Variants in RIMBP2 observed in about 807,000 individuals in gnomAD.
The protein encoded by RIMBP2 is RIMS-binding protein 2.
Under a neutral mutation model 118.6 loss-of-function variants are expected in RIMBP2, and 48 were observed. The observed-to-expected ratio is 0.40, with a 90% confidence interval of 0.32 to 0.51. The LOEUF is 0.51. Ranked by LOEUF, RIMBP2 falls within the 20% of genes least tolerant of loss-of-function variation. The probability of loss-of-function intolerance (pLI) is 0.41; values close to 1 mark genes in which losing one functional copy is unlikely to be tolerated. For synonymous variants in RIMBP2, 762 were observed against 742.9 expected (o/e 1.03, Z -0.42); for missense variants, 1,551 against 1,768.3 (o/e 0.88, Z 2.20).
chr12:130,714,584 G>A (rs1391257531), intron 1 of RIMBP2, among the ~76,000 whole-genome samples: 6 of 152,244 alleles, frequency 3.9e-5, no homozygotes, highest in Non-Finnish European at 7.3e-5. Flanking sequence ...GGGCACGGGG[G>A]AATAGCCGCT....
At chr12:130,606,591 T>A (rs920583562) in intron 2 of RIMBP2, among the ~76,000 whole-genome samples, 1 of 152,198 alleles carries the variant, frequency 6.6e-6, no homozygotes, top group Admixed American at 6.5e-5. Context: ...TCACCATTTA[T>A]AGCAAAACTC....
chr12:130,437,124 G>T lies in RIMBP2; in HGVS notation c.1824C>A (p.Pro608=). ...TTGATTGGGGTGCAGGTCTCGGGTG[G>T]GGGGTAGGAGGCACCAGGAGCTCGG... is the stretch of plus-strand genomic sequence containing the variant. ...VPPELLVPPT[P]HPRPAPQSKP... is the part of the protein sequence containing the mutation. Residue 608 remains proline (P), a synonymous_variant, in exon 13 of 23, where the codon CCC becomes CCA. Transcript: ENST00000690449. The T allele has an allele frequency of 6.3e-7, 1 of 1,579,924 alleles. No homozygotes were observed. Among genetic ancestry groups the T allele is most frequent in the Non-Finnish European group, 8.6e-7 (1 of 1,161,738 alleles).
chr12:130,400,131 T>C (rs1165135067), intron 21 of RIMBP2, among the ~76,000 whole-genome samples: 2 of 152,128 alleles, frequency 1.3e-5, no homozygotes, highest in Non-Finnish European at 2.9e-5. Flanking sequence ...TCTCATTTAG[T>C]GGTTCTCGGG....
rs533985344 is a variant in RIMBP2 at position 130,643,832 on chromosome 12, T to C, written c.-351-15376A>G. Among the ~76,000 whole-genome samples the C allele has an allele frequency of 8.6e-5, 13 of 151,978 alleles. No homozygotes were observed. The East Asian group carries it at 1.6e-3, about 18-fold the overall frequency. Reference sequence around the variant, plus strand: ...GCAGACAACAGCCAGTTTCAGCTCATGAGAGTGAAAGAGAACAAGGAAACT... The same window carrying C: ...GCAGACAACAGCCAGTTTCAGCTCACGAGAGTGAAAGAGAACAAGGAAACT... On this transcript the variant is annotated intron_variant, in intron 1 of 22. Transcript: ENST00000690449.
At chr12:130,709,732 C>G (rs1195592) in intron 1 of RIMBP2, among the ~76,000 whole-genome samples, 94,671 of 151,820 alleles carry the variant, frequency 0.62, 33,244 homozygotes, top group Non-Finnish European at 0.81. Flanking sequence ...AAACCCCCCC[C>G]CTTCCCACCC....
intron 2 of RIMBP2, among the ~76,000 whole-genome samples, chr12:130,548,667 G>T (rs560133884): frequency 6.6e-6 from 1 of 151,988 alleles, no homozygotes; most frequent in African/African-American, 2.4e-5. Flanking sequence ...TCCACCTCCC[G>T]GGTTCAAGCA....
chr12:130,716,109 G>A (rs896607415), intron 1 of RIMBP2, 113 bp downstream of exon 1: 5 of 152,208 alleles, frequency 3.3e-5, no homozygotes, highest in African/African-American at 1.2e-4. Context: ...ACTTTGTCTG[G>A]GCAAAGAGTT....
chr12:130,480,005 C>T (rs56786818), intron 4 of RIMBP2, among the ~76,000 whole-genome samples: 3,430 of 151,954 alleles, frequency 0.023, 138 homozygotes, highest in African/African-American at 0.078. Context: ...ACAGCAGTGA[C>T]CAGCCACGAA....
intron 2 of RIMBP2, among the ~76,000 whole-genome samples, chr12:130,582,595 T>C (rs1158746436): frequency 2.0e-5 from 3 of 152,244 alleles, no homozygotes; most frequent in Non-Finnish European, 4.4e-5. Context: ...TCTTAAGCCA[T>C]AACATCTTAT....
Position 130,683,652 on chromosome 12 carries a change from C to T in RIMBP2, c.-352+32570G>A, listed in dbSNP as rs1225862897. On this transcript the variant is annotated intron_variant, in intron 1 of 22. Transcript: ENST00000690449. The surrounding 1 kb of genome is among the most constrained non-coding windows in gnomAD (Gnocchi z 4.4). ...GATAAAACAGTTGCAGTAAACAAGC[C>T]GGCCAAATCCCACCAAAACCAAGAT... Among the ~76,000 whole-genome samples the T allele has an allele frequency of 1.3e-5, 2 of 152,106 alleles. No individual in the cohort carries two copies. The highest frequency in any genetic ancestry group is 2.9e-5 in the Non-Finnish European group (2 of 68,030).
At chr12:130,626,975 CCAT>C (rs1280769096) in intron 2 of RIMBP2, among the ~76,000 whole-genome samples, 9 of 151,890 alleles carry the variant, frequency 5.9e-5, no homozygotes, top group African/African-American at 1.7e-4. Context: ...GCCAGCATCA[CCAT>C]CATCTTCTCC....
At chr12:130,467,638 TTA>T (rs2080608117) in intron 6 of RIMBP2, among the ~76,000 whole-genome samples, 1 of 152,176 alleles carries the variant, frequency 6.6e-6, no homozygotes, top group Non-Finnish European at 1.5e-5. Context: ...CATCCCTGTC[TTA>T]ATAAATTGGC....
At chr12:130,414,921 C>A (rs1169759406) in intron 17 of RIMBP2, among the ~76,000 whole-genome samples, 1 of 152,130 alleles carries the variant, frequency 6.6e-6, no homozygotes, top group African/African-American at 2.4e-5. Flanking sequence ...AAATCGAAAC[C>A]CTGAATAGAC....
Position 130,623,353 on chromosome 12 carries a change from A to C in RIMBP2, c.-217+4969T>G, listed in dbSNP as rs538334285. 6.6e-6 allele frequency among the ~76,000 whole-genome samples: 1 copy of C among 152,288 alleles called. No homozygotes were observed. The highest frequency in any genetic ancestry group is 2.1e-4 in the South Asian group (1 of 4,822). ...GGTTTGCTGCACCCATCAGCCTGTCATCTAGGTTTTAAGCCCCACAAGTAT... is the reference window on the plus strand; with the variant it reads ...GGTTTGCTGCACCCATCAGCCTGTCCTCTAGGTTTTAAGCCCCACAAGTAT... On this transcript the variant is annotated intron_variant, in intron 2 of 22. Coordinates refer to ENST00000690449, the MANE Select transcript of RIMBP2 (RefSeq NM_001393629.1). The surrounding 1 kb of genome is among the most constrained non-coding windows in gnomAD (Gnocchi z 4.1).
intron 1 of RIMBP2, among the ~76,000 whole-genome samples, chr12:130,665,433 G>A (rs921619597): frequency 3.3e-5 from 5 of 151,394 alleles, no homozygotes; most frequent in Non-Finnish European, 7.4e-5. Context: ...GCTGAGGCAG[G>A]AGAATCACTC....
intron 1 of RIMBP2, among the ~76,000 whole-genome samples, chr12:130,665,582 A>T (rs1358819855): frequency 1.3e-5 from 2 of 151,640 alleles, no homozygotes; most frequent in Non-Finnish European, 2.9e-5. Flanking sequence ...ATTGTGAGGA[A>T]ACATCAGACA....
chr12:130,475,724 T>G lies in RIMBP2; in HGVS notation c.102+3188A>C, dbSNP rs1419552449. The stretch of plus-strand genomic sequence containing the variant: ...TATTGGGGAACAAAGGAATGATGGG[T>G]ACACAGAGAAGTAAGACAACAAGCA... On this transcript the variant is annotated intron_variant, in intron 5 of 22. Transcript: ENST00000690449. This position sits in a 1 kb window ranked among gnomAD's most constrained non-coding sequence, Gnocchi z 4.1. Among the ~76,000 whole-genome samples the G allele has an allele frequency of 6.6e-6, 1 of 151,906 alleles. No individual in the cohort carries two copies. The highest frequency in any genetic ancestry group is 1.5e-5 in the Non-Finnish European group (1 of 68,002).
chr12:130,471,857 AC>A (rs1284475564), intron 5 of RIMBP2: 1 of 152,126 alleles, frequency 6.6e-6, no homozygotes, highest in African/African-American at 2.4e-5. Flanking sequence ...TGGGGTCTGG[AC>A]CTCCCCTGTG....
At chr12:130,398,543 C>T (rs1316923322) in intron 22 of RIMBP2, 3 of 152,758 alleles carry the variant, frequency 2.0e-5, no homozygotes, top group Admixed American at 6.5e-5. Context: ...ACAACAAACG[C>T]GTGTTGCAGC....
Sources: allele counts gnomAD v4.1 joint callset (sites outside exome capture counted in the v4.1 genomes callset), GRCh38; gene constraint gnomAD v4.1.1; non-coding constraint Gnocchi (gnomAD v3.1); transcripts MANE v1.5; gene names NCBI Gene and HGNC (gene_info 2026-07-23, HGNC 2026-07-21).